Variants in DNAI3 observed in about 807,000 individuals in gnomAD.
DNAI3 encodes dynein axonemal intermediate chain 3.
Under a neutral mutation model 115.5 loss-of-function variants are expected in DNAI3, and 83 were observed. The ratio of observed to expected loss-of-function variants is 0.72; its 90% CI spans 0.60 to 0.86. The LOEUF (loss-of-function observed/expected upper bound fraction) is 0.86, where lower values mean the gene tolerates loss of function less well. Among genes scored for constraint, DNAI3 ranks in the 40% least tolerant of loss-of-function variants. The pLI is 0.00. For synonymous variants in DNAI3, 320 were observed against 347.0 expected, an observed-to-expected ratio of 0.92 and a Z score of 0.86; for missense variants, 1,004 against 1,075.8, an observed-to-expected ratio of 0.93 and a Z score of 0.93.
chr1:85,120,017 A>G (rs17099217), intron 17 of DNAI3, among the ~76,000 whole-genome samples: 7,957 of 152,222 alleles, frequency 0.052, 271 homozygotes, highest in East Asian at 0.15. Context: ...TCATCCTCCT[A>G]ATACAAACTC....
intron 13 of DNAI3, among the ~76,000 whole-genome samples, chr1:85,101,334 TAATG>T (rs1173813883): frequency 6.6e-6 from 1 of 152,122 alleles, no homozygotes; most frequent in Non-Finnish European, 1.5e-5. Context: ...TTACATATAA[TAATG>T]GGAGTTGTAA....
intron 5 of DNAI3, among the ~76,000 whole-genome samples, chr1:85,082,787 T>C (rs7537313): frequency 6.6e-6 from 1 of 152,064 alleles, no homozygotes; most frequent in Non-Finnish European, 1.5e-5. Context: ...ACCTAGAATA[T>C]GTAAGCAGTA....
intron 22 of DNAI3, among the ~76,000 whole-genome samples, chr1:85,130,520 C>T (rs1477505789): frequency 2.0e-5 from 3 of 152,156 alleles, no homozygotes; most frequent in African/African-American, 7.2e-5. Flanking sequence ...AGGCTGTCAC[C>T]TTTGCTGAGC....
chr1:85,081,881 T>A (rs1654644367), intron 4 of DNAI3, among the ~76,000 whole-genome samples: 1 of 152,204 alleles, frequency 6.6e-6, no homozygotes, highest in Non-Finnish European at 1.5e-5. Flanking sequence ...GCTCAAGTGA[T>A]CTTCCCGCCT....
intron 22 of DNAI3, among the ~76,000 whole-genome samples, chr1:85,131,337 G>A (rs192334300): frequency 2.0e-5 from 3 of 151,628 alleles, no homozygotes; most frequent in East Asian, 3.9e-4. Context: ...CCAGCTACTC[G>A]GGAGGCTGAG....
At chr1:85,083,120 A>G (rs749024982) in intron 5 of DNAI3, among the ~76,000 whole-genome samples, 18 of 152,212 alleles carry the variant, frequency 1.2e-4, no homozygotes, top group Admixed American at 5.9e-4. Context: ...AGGTTTGTTT[A>G]AATTGTTTGA....
intron 6 of DNAI3, 104 bp from the exon 7 acceptor site, chr1:85,085,727 C>T (rs1482115060): frequency 2.2e-6 from 2 of 921,582 alleles, no homozygotes; most frequent in Non-Finnish European, 3.3e-6. Context: ...GAGGTGCTCA[C>T]AGAAAGTGCA....
rs149240824 is a variant in DNAI3 at position 85,104,777 on chromosome 1, G to A, written c.1553+180G>A. Among the ~76,000 whole-genome samples, 1,187 of 152,226 alleles carry A rather than the reference G, an allele frequency of 7.8e-3. 22 individuals are homozygous for A. Among genetic ancestry groups the A allele is most frequent in the African/African-American group, 0.028 (1,146 of 41,542 alleles). On this transcript the variant is annotated intron_variant, in intron 14 of 22. Coordinates refer to ENST00000294664, the MANE Select transcript of DNAI3 (RefSeq NM_145172.5). ...TAAAAATTGTTTTATAGAGTTAAATGTTATGTAAAGAAGAATTAACTAAGC... is the reference window on the plus strand; with the variant it reads ...TAAAAATTGTTTTATAGAGTTAAATATTATGTAAAGAAGAATTAACTAAGC...
At chr1:85,082,803 G>A (rs1365265859) in intron 5 of DNAI3, among the ~76,000 whole-genome samples, 13 of 152,116 alleles carry the variant, frequency 8.5e-5, no homozygotes, top group Non-Finnish European at 1.9e-4. Context: ...CAGTAAATGG[G>A]GGATGAACTA....
At position 85,093,664 on chromosome 1, in the gene DNAI3, T is replaced by C. The variant is rs1230890970; in HGVS notation, c.1048+16T>C. The C allele has an allele frequency of 1.2e-6, 2 of 1,613,428 alleles. No individual in the cohort carries two copies. The highest frequency in any genetic ancestry group is 2.2e-5 in the East Asian group (1 of 44,868). ...ACTATCTATGGTGAGATGGAAATGATGGGGATTCCCTTTTGTGATAACATT... is the reference window on the plus strand; with the variant it reads ...ACTATCTATGGTGAGATGGAAATGACGGGGATTCCCTTTTGTGATAACATT... On this transcript the variant is annotated intron_variant, in intron 9 of 22. Coordinates refer to ENST00000294664, the MANE Select transcript of DNAI3 (RefSeq NM_145172.5).
intron 22 of DNAI3, among the ~76,000 whole-genome samples, chr1:85,131,732 C>T (rs1176550420): frequency 2.0e-5 from 3 of 152,090 alleles, no homozygotes; most frequent in Non-Finnish European, 4.4e-5. Flanking sequence ...GCCACCCTTC[C>T]CCTTCCCCAG....
rs758769964 is a variant in DNAI3, at chr1:85,073,008, AT to A, written c.65-43del. 9.5e-6 allele frequency: 11 copies of A among 1,158,030 alleles called. No individual in the cohort carries two copies. The South Asian group carries it at 1.5e-4, about 16-fold the overall frequency. The allele number at this position is 1,158,030 out of a possible 1,614,324, so 71.7% of individuals were successfully genotyped here. ...AAAAGATTATAATAAATTGAGATGT[AT>A]TTGATTCAAAAATGTAAATTTGACT... On this transcript the variant is annotated intron_variant, in intron 2 of 22. Coordinates refer to ENST00000294664, the MANE Select transcript of DNAI3 (RefSeq NM_145172.5).
At chr1:85,121,899 C>A (rs1030361322) in intron 18 of DNAI3, 85 bp downstream of exon 18, 44 of 1,455,856 alleles carry the variant, frequency 3.0e-5, no homozygotes, top group Non-Finnish European at 3.4e-5. Flanking sequence ...TACAGAGTCA[C>A]CCTGGTCTTG....
At position 85,085,793 on chromosome 1, in the gene DNAI3, CTTCA is replaced by C. The variant is rs774122916; in HGVS notation, c.541-35_541-32del. 3.7e-6 allele frequency: 3 copies of C among 809,836 alleles called. No homozygotes were observed. In the African/African-American group the frequency reaches 7.8e-5, roughly 21 times the overall value. The allele number at this position is 809,836 out of a possible 1,614,324, so 50.2% of individuals were successfully genotyped here. ...ACCAACATTGCCTACACATCAGGGA[CTTCA>C]TTATGTTACCTTTACTGTTTACATG... On this transcript the variant is annotated intron_variant, in intron 6 of 22. Transcript: ENST00000294664.
At chr1:85,085,695 G>A in intron 6 of DNAI3, 136 bp from the exon 7 acceptor site, 3 of 712,230 alleles carry the variant, frequency 4.2e-6, no homozygotes, top group Non-Finnish European at 7.1e-6. Flanking sequence ...CTGCTCATGT[G>A]AATGGAAAGC....
chr1:85,132,932 G>GA lies in DNAI3; in HGVS notation c.2611dup (p.Thr871AsnfsTer43). ...ATGAGAGTTATCTGGAACTGGAAAA[G>GA]ACTGTTCTTATCAACCTTGGCCTAA... On this transcript the variant is annotated frameshift_variant, in exon 23 of 23. Transcript: ENST00000294664. LOFTEE classifies it low-confidence loss of function (END_TRUNC). 1 of 1,614,018 alleles carries GA rather than the reference G, an allele frequency of 6.2e-7. No individual in the cohort carries two copies.
In DNAI3 at chr1:85,133,031, C is replaced by T. The variant is rs1486882935; in HGVS notation, c.*33C>T. 1 of 1,590,430 alleles carries T rather than the reference C, an allele frequency of 6.3e-7. No individual in the cohort carries two copies. Among genetic ancestry groups the T allele is most frequent in the African/African-American group, 1.4e-5 (1 of 73,432 alleles). On this transcript the variant is annotated 3_prime_UTR_variant, in exon 23 of 23. Coordinates refer to ENST00000294664, the MANE Select transcript of DNAI3 (RefSeq NM_145172.5). ...TCCTGAAGGGGTGTTTTGGGGACTT[C>T]TTCCCTCTATTTATTTTTATGTCAG...
At chr1:85,125,866 C>G (rs1656120245) in intron 19 of DNAI3, among the ~76,000 whole-genome samples, 1 of 152,196 alleles carries the variant, frequency 6.6e-6, no homozygotes, top group South Asian at 2.1e-4. Context: ...AAAGCACATT[C>G]TATTCTTACT....
intron 17 of DNAI3, among the ~76,000 whole-genome samples, chr1:85,121,472 C>T (rs1021625543): frequency 2.0e-5 from 3 of 152,296 alleles, no homozygotes; most frequent in Middle Eastern, 3.4e-3. Flanking sequence ...GGATGCCCAG[C>T]GGTTGGGACT....
Sources: gnomAD v4.1 joint callset for allele counts (sites outside exome capture counted in the v4.1 genomes callset) on GRCh38, gnomAD v4.1.1 for gene constraint, MANE v1.5 for transcripts, NCBI Gene and HGNC (gene_info 2026-07-23, HGNC 2026-07-21) for gene names.